AFF1: variants seen among roughly 807,000 people sequenced by gnomAD.
AFF1 encodes the protein ALF transcription elongation factor 1, also known as AF4/FMR2 family member 1.
AFF1 carries 48 observed loss-of-function variants against 121.7 expected under a neutral mutation model. That is an observed-to-expected ratio of 0.39 (90% CI 0.31 to 0.50). AFF1 has a LOEUF of 0.50. Ranked by LOEUF, AFF1 falls within the 20% of genes least tolerant of loss-of-function variation. The pLI is 0.76. For missense variants in AFF1, 1,523 were observed against 1,511.7 expected (o/e 1.01, Z -0.12); for synonymous variants, 613 against 563.0 (o/e 1.09, Z -1.26).
intron 6 of AFF1, among the ~76,000 whole-genome samples, chr4:87,090,849 C>T (rs11936400): frequency 0.05 from 7,479 of 150,844 alleles, 630 homozygotes; most frequent in African/African-American, 0.17. Context: ...CTTTGTCTCT[C>T]CAAAAAAATA....
At chr4:87,092,396 A>T (rs976989175) in intron 7 of AFF1, among the ~76,000 whole-genome samples, 2 of 152,144 alleles carry the variant, frequency 1.3e-5, no homozygotes, top group African/African-American at 2.4e-5. Context: ...ACCAAATGTG[A>T]CTCTCACAGC....
chr4:87,033,155 G>A (rs1041418691), intron 2 of AFF1, among the ~76,000 whole-genome samples: 1 of 152,134 alleles, frequency 6.6e-6, no homozygotes. Context: ...AACAAAACAA[G>A]AATAAATGTT....
intron 2 of AFF1, among the ~76,000 whole-genome samples, chr4:87,012,904 TAA>T (rs1726923668): frequency 6.6e-6 from 1 of 152,192 alleles, no homozygotes; most frequent in Admixed American, 6.5e-5. Context: ...AGTTAAAGCT[TAA>T]CCTGATGGCC....
rs1044149099 is a variant in AFF1, at chr4:86,961,622, GA to G, written c.38+13052del. 4.8e-4 allele frequency among the ~76,000 whole-genome samples: 72 copies of G among 151,228 alleles called. 1 individual carries two copies. Among genetic ancestry groups the G allele is most frequent in the Middle Eastern group, 6.8e-3 (2 of 294 alleles). On this transcript the variant is annotated intron_variant, in intron 2 of 20. Transcript: ENST00000395146. ...AGTGATGGGAATAGGGGTCACTACT[GA>G]GTCATATGGCAGGAAAAAGATGAAA...
In AFF1 at chr4:87,137,761, C is replaced by T. The variant is rs1048489363; in HGVS notation, c.*2060C>T. On this transcript the variant is annotated 3_prime_UTR_variant, in exon 21 of 21. Transcript: ENST00000395146. ...AAGGCACCAGAATCAGGCTTTATTTCGATATTGAAGATGTTATTTAACATC... is the reference window on the plus strand; with the variant it reads ...AAGGCACCAGAATCAGGCTTTATTTTGATATTGAAGATGTTATTTAACATC... 8.6e-6 allele frequency: 2 copies of T among 232,114 alleles called. No individual in the cohort carries two copies. Among genetic ancestry groups the T allele is most frequent in the East Asian group, 6.1e-5 (1 of 16,462 alleles). The allele number at this position is 232,114 out of a possible 1,614,324, so 14.4% of individuals were successfully genotyped here.
chr4:87,070,368 A>AC (rs1454679753), intron 4 of AFF1, among the ~76,000 whole-genome samples: 1 of 151,612 alleles, frequency 6.6e-6, no homozygotes, highest in Non-Finnish European at 1.5e-5. Flanking sequence ...CGAACTCCTG[A>AC]CCTTGTGATC....
rs397994396 is a variant in AFF1, at chr4:87,115,625, T to TTTTTTTTTTTC, written c.2466+326_2466+327insTTTTTTTTTTC. ...AACCCACCTCTTTTTTTTTTTTTTT[T>TTTTTTTTTTTC]CCAAAGACAGGCCCTTGCTCTGTTG... On this transcript the variant is annotated intron_variant, in intron 12 of 20. Transcript: ENST00000395146. Among the ~76,000 whole-genome samples, 596 of 102,474 alleles carry TTTTTTTTTTTC rather than the reference T, an allele frequency of 5.8e-3. 16 individuals are homozygous for TTTTTTTTTTTC. The highest frequency in any genetic ancestry group is 0.013 in the East Asian group (36 of 2,736). The allele number at this position is 102,474 out of a possible 152,430, so 67.2% of individuals were successfully genotyped here.
At chr4:87,131,678 T>G in intron 17 of AFF1, 115 bp from the exon 18 acceptor site, 1 of 926,912 alleles carries the variant, frequency 1.1e-6, no homozygotes, top group African/African-American at 1.7e-5. Context: ...TTTTTTCCTG[T>G]GATGCTCTCA....
intron 4 of AFF1, among the ~76,000 whole-genome samples, chr4:87,055,040 C>A (rs115348190): frequency 4.2e-4 from 64 of 152,268 alleles, no homozygotes; most frequent in Admixed American, 5.9e-4. Context: ...TGCAGTAGCA[C>A]GATCACAGCT....
chr4:87,030,067 A>T (rs981082855), intron 2 of AFF1, among the ~76,000 whole-genome samples: 1 of 152,190 alleles, frequency 6.6e-6, no homozygotes, highest in African/African-American at 2.4e-5. Flanking sequence ...CTGTCACTGA[A>T]AGACTGTATA....
chr4:87,124,656 C>A (rs1278319367), intron 12 of AFF1, among the ~76,000 whole-genome samples: 1 of 152,134 alleles, frequency 6.6e-6, no homozygotes, highest in Non-Finnish European at 1.5e-5. Flanking sequence ...CATAAAAAAT[C>A]ATCTCTGTAT....
intron 2 of AFF1, among the ~76,000 whole-genome samples, chr4:86,996,696 G>T (rs1398845954): frequency 6.6e-6 from 1 of 151,644 alleles, no homozygotes; most frequent in African/African-American, 2.4e-5. Context: ...ATCCCCCTCT[G>T]TGAGAAACAC....
chr4:87,128,414 A>G (rs1728499867), intron 16 of AFF1, among the ~76,000 whole-genome samples: 1 of 152,180 alleles, frequency 6.6e-6, no homozygotes, highest in African/African-American at 2.4e-5. Context: ...CCTTTGTCAT[A>G]TTTAGATATC....
At chr4:87,039,939 T>C (rs1333044145) in intron 2 of AFF1, among the ~76,000 whole-genome samples, 1 of 152,190 alleles carries the variant, frequency 6.6e-6, no homozygotes, top group Non-Finnish European at 1.5e-5. Context: ...TCTCGCTCTG[T>C]AGCCCAGGTT....
At chr4:87,022,584 CTA>C (rs1480042253) in intron 2 of AFF1, among the ~76,000 whole-genome samples, 6,162 of 112,444 alleles carry the variant, frequency 0.055, 732 homozygotes, top group African/African-American at 0.18. Context: ...ATATATATAT[CTA>C]TCTATATCTA....
At chr4:86,971,760 A>G (rs1041682562) in intron 2 of AFF1, among the ~76,000 whole-genome samples, 12 of 152,216 alleles carry the variant, frequency 7.9e-5, no homozygotes, top group African/African-American at 2.9e-4. Flanking sequence ...GTGGAAGTAC[A>G]AAGGAGGTAG....
chr4:87,063,473 A>G (rs1171659747), intron 4 of AFF1, among the ~76,000 whole-genome samples: 1 of 152,078 alleles, frequency 6.6e-6, no homozygotes, highest in Non-Finnish European at 1.5e-5. Flanking sequence ...TCCCAGCCTC[A>G]GGTGATCCGC....
intron 2 of AFF1, among the ~76,000 whole-genome samples, chr4:86,994,284 A>G (rs1292063287): frequency 6.6e-6 from 1 of 152,230 alleles, no homozygotes; most frequent in Non-Finnish European, 1.5e-5. Context: ...TGGCACACTG[A>G]GTTGGCATAA....
chr4:86,978,347 C>T (rs1230870430), intron 2 of AFF1, among the ~76,000 whole-genome samples: 1 of 151,414 alleles, frequency 6.6e-6, no homozygotes, highest in Non-Finnish European at 1.5e-5. Context: ...CCATGCCCAG[C>T]TGATTTTTGT....
Sources: allele counts gnomAD v4.1 joint callset (sites outside exome capture counted in the v4.1 genomes callset), GRCh38; gene constraint gnomAD v4.1.1; transcripts MANE v1.5; gene names NCBI Gene and HGNC (gene_info 2026-07-23, HGNC 2026-07-21).